CHRNA7: variants seen among roughly 807,000 people sequenced by gnomAD.
CHRNA7 encodes neuronal acetylcholine receptor subunit alpha-7.
CHRNA7 carries 17 observed loss-of-function variants against 48.0 expected under a neutral mutation model. The observed-to-expected ratio is 0.35, with a 90% CI of 0.24 to 0.53. CHRNA7 has a LOEUF of 0.53. Ranked by LOEUF, CHRNA7 falls within the 20% of genes least tolerant of loss-of-function variation. CHRNA7 has a pLI of 0.92. For missense variants in CHRNA7, 155 were observed against 577.7 expected (o/e 0.27, Z 7.50); for synonymous variants, 75 against 242.3 (o/e 0.31, Z 6.41).
chr15:32,158,289 C>CCGG, intron 6 of CHRNA7, 123 bp from the exon 7 acceptor site: 3 of 522,138 alleles, frequency 5.7e-6, no homozygotes, highest in Non-Finnish European at 2.7e-6. Context: ...CAACCCCCCC[C>CCGG]TTTTTTTTTT....
intron 2 of CHRNA7, among the ~76,000 whole-genome samples, chr15:32,085,075 T>A (rs2050273842): frequency 6.6e-6 from 1 of 152,060 alleles, no homozygotes; most frequent in Non-Finnish European, 1.5e-5. Context: ...GTGATCCACC[T>A]GCCTTAGCCT....
intron 4 of CHRNA7, among the ~76,000 whole-genome samples, chr15:32,150,946 A>ACG (rs34217634): frequency 2.5e-4 from 38 of 151,128 alleles, no homozygotes; most frequent in South Asian, 6.3e-4. Flanking sequence ...TTTGGAAGTA[A>ACG]GGGGGGGGGA....
intron 2 of CHRNA7, among the ~76,000 whole-genome samples, chr15:32,040,672 T>G (rs1437827498): frequency 6.6e-6 from 1 of 151,728 alleles, no homozygotes; most frequent in Non-Finnish European, 1.5e-5. Context: ...ATAAAATACA[T>G]TTTTGCTATT....
chr15:32,030,506 C>T (rs1281024185), upstream of CHRNA7: 6 of 1,271,590 alleles, frequency 4.7e-6, no homozygotes, highest in African/African-American at 1.6e-5. Flanking sequence ...GCGAGCCGAG[C>T]GGCGAGGTGC....
At chr15:32,141,650 T>C (rs1016581124) in intron 4 of CHRNA7, among the ~76,000 whole-genome samples, 1 of 152,208 alleles carries the variant, frequency 6.6e-6, no homozygotes, top group Non-Finnish European at 1.5e-5. Context: ...CCCTTGTAAA[T>C]TGGATTCCTA....
In CHRNA7 at chr15:32,031,022, G is replaced by C; in HGVS notation, c.180G>C (p.Leu60=). The change falls in exon 2 of 10, where the codon CTG becomes CTC. Residue 60 remains leucine (L), a synonymous_variant. Coordinates refer to ENST00000306901, the MANE Select transcript of CHRNA7 (RefSeq NM_000746.6). ...PLTVYFSLSL[L]QIMDVDEKNQ... ...CCGTCTACTTCTCCCTGAGCCTCCT[G>C]CAGATCATGGACGTGGTGAGTCCCG... The C allele has an allele frequency of 6.2e-7, 1 of 1,614,180 alleles. No homozygotes were observed. The highest frequency in any genetic ancestry group is 8.5e-7 in the Non-Finnish European group (1 of 1,180,018).
intron 2 of CHRNA7, among the ~76,000 whole-genome samples, chr15:32,095,540 T>C (rs573711387): frequency 6.6e-6 from 1 of 152,286 alleles, no homozygotes; most frequent in Admixed American, 6.5e-5. Flanking sequence ...CTTTTTATTG[T>C]TGCAAATCTC....
intron 2 of CHRNA7, among the ~76,000 whole-genome samples, chr15:32,033,929 A>C (rs1901964631): frequency 1.3e-5 from 2 of 152,188 alleles, no homozygotes; most frequent in African/African-American, 2.4e-5. Flanking sequence ...ATTTTTGTGA[A>C]AGATCATTTA....
chr15:32,124,692 A>T (rs1311994823), intron 4 of CHRNA7, among the ~76,000 whole-genome samples: 1 of 150,996 alleles, frequency 6.6e-6, no homozygotes, highest in Non-Finnish European at 1.5e-5. Context: ...AATGTTAGGG[A>T]CTGAATGATT....
chr15:32,071,098 C>CACTTCAGGAGGTCTATTTCTAG, intron 2 of CHRNA7, among the ~76,000 whole-genome samples: 1 of 152,164 alleles, frequency 6.6e-6, no homozygotes, highest in South Asian at 2.1e-4. Flanking sequence ...TATTAGGCTC[C>CACTTCAGGAGGTCTATTTCTAG]ACTTCAGGAG....
chr15:32,065,525 G>A (rs1355920), intron 2 of CHRNA7, among the ~76,000 whole-genome samples: 122,762 of 152,266 alleles, frequency 0.81, 50,886 homozygotes, highest in South Asian at 0.91. Context: ...AAGATAATAA[G>A]CTATAAAAAG....
chr15:32,075,801 G>A (rs939415569), intron 2 of CHRNA7, among the ~76,000 whole-genome samples: 3 of 150,364 alleles, frequency 2.0e-5, no homozygotes, highest in Admixed American at 1.3e-4. Context: ...TATTTTTTGA[G>A]TCTTTTCCTT....
chr15:32,133,856 G>A (rs928741259), intron 4 of CHRNA7, among the ~76,000 whole-genome samples: 15 of 152,164 alleles, frequency 9.9e-5, no homozygotes, highest in African/African-American at 3.4e-4. Flanking sequence ...GTCCCCCTCC[G>A]GCCAGGTCCA....
intron 2 of CHRNA7, chr15:32,100,479 G>C (rs894041797): frequency 1.9e-5 from 3 of 154,064 alleles, no homozygotes; most frequent in Non-Finnish European, 4.4e-5. Context: ...ATTTGGAAAG[G>C]CCAGTCTTGA....
intron 2 of CHRNA7, among the ~76,000 whole-genome samples, chr15:32,062,014 C>A (rs566753861): frequency 1.3e-5 from 2 of 152,260 alleles, no homozygotes; most frequent in Admixed American, 6.5e-5. Flanking sequence ...ATAACTCTTG[C>A]CCATAGTTTA....
At chr15:32,148,343 G>A (rs1014495583) in intron 4 of CHRNA7, among the ~76,000 whole-genome samples, 10 of 152,094 alleles carry the variant, frequency 6.6e-5, no homozygotes, top group Non-Finnish European at 1.5e-4. Flanking sequence ...TATAAGAGCC[G>A]GGCTTCTGGG....
At chr15:32,103,180 G>A (rs987260497) in intron 3 of CHRNA7, 15 of 152,268 alleles carry the variant, frequency 9.9e-5, no homozygotes, top group African/African-American at 3.4e-4. Flanking sequence ...GCGAATACAC[G>A]TGGAGTTGAG....
chr15:32,031,355 C>T (rs568896040), intron 2 of CHRNA7, among the ~76,000 whole-genome samples: 6 of 152,352 alleles, frequency 3.9e-5, no homozygotes, highest in Middle Eastern at 3.4e-3. Context: ...GTAGCAAGAA[C>T]AGGTGAAGTT....
At chr15:32,082,225 TTAATC>T (rs1392354342) in intron 2 of CHRNA7, among the ~76,000 whole-genome samples, 1 of 152,176 alleles carries the variant, frequency 6.6e-6, no homozygotes, top group African/African-American at 2.4e-5. Context: ...GTTCATTTCT[TTAATC>T]TATAGATCTG....
Sources: allele counts gnomAD v4.1 joint callset (sites outside exome capture counted in the v4.1 genomes callset), GRCh38; gene constraint gnomAD v4.1.1; transcripts MANE v1.5; gene names NCBI Gene and HGNC (gene_info 2026-07-23, HGNC 2026-07-21).